SLC25A21: variants seen among roughly 807,000 people sequenced by gnomAD.
SLC25A21 encodes the protein mitochondrial 2-oxodicarboxylate carrier.
A neutral mutation model predicts 43.8 loss-of-function variants in SLC25A21; 47 were observed. The observed-to-expected ratio is 1.07, with a 90% CI of 0.85 to 1.37. The LOEUF (loss-of-function observed/expected upper bound fraction) is 1.37, where lower values mean the gene tolerates loss of function less well. Ranked by LOEUF, SLC25A21 falls within the 40% of genes most tolerant of loss-of-function variation. The probability of loss-of-function intolerance (pLI) is 0.00; values close to 1 mark genes in which losing one functional copy is unlikely to be tolerated. For synonymous variants in SLC25A21, 131 were observed against 121.3 expected (o/e 1.08, Z -0.52); for missense variants, 352 against 350.2 (o/e 1.00, Z -0.04).
chr14:36,764,099 G>GGAAGGAAA (rs1566587732), intron 3 of SLC25A21, among the ~76,000 whole-genome samples: 1 of 29,212 alleles, frequency 3.4e-5, no homozygotes, highest in Non-Finnish European at 5.8e-5. Flanking sequence ...AAGGAAGGAA[G>GGAAGGAAA]GAAGGAAGGA....
intron 1 of SLC25A21, 21 bp from the exon 2 acceptor site, chr14:36,875,025 T>C: frequency 7.0e-7 from 1 of 1,433,310 alleles, no homozygotes; most frequent in Non-Finnish European, 9.2e-7. Context: ...ATAAAGAAAA[T>C]CCAATAAACA....
At chr14:37,034,725 A>G (rs1961291431) in intron 1 of SLC25A21, among the ~76,000 whole-genome samples, 1 of 152,138 alleles carries the variant, frequency 6.6e-6, no homozygotes, top group South Asian at 2.1e-4. Context: ...ACCATCTGCT[A>G]TTTATTTTGT....
At chr14:36,976,958 C>G (rs1007239601) in intron 1 of SLC25A21, among the ~76,000 whole-genome samples, 6 of 152,186 alleles carry the variant, frequency 3.9e-5, no homozygotes, top group African/African-American at 1.4e-4. Context: ...ATTTTCTCAG[C>G]CCGAACACAG....
At chr14:37,087,383 G>A (rs775715961) in intron 1 of SLC25A21, among the ~76,000 whole-genome samples, 3 of 152,186 alleles carry the variant, frequency 2.0e-5, no homozygotes, top group Non-Finnish European at 4.4e-5. Context: ...CTTTTGGAGA[G>A]TAAGAAAGTT....
At chr14:37,040,226 A>AGGG (rs1961419414) in intron 1 of SLC25A21, among the ~76,000 whole-genome samples, 2 of 32,466 alleles carry the variant, frequency 6.2e-5, no homozygotes, top group Admixed American at 3.5e-4. Context: ...AAGAAAAAGA[A>AGGG]AAAGAAAGGG....
In SLC25A21 at chr14:37,137,775, G is replaced by A. The variant is rs187042584; in HGVS notation, c.70+34506C>T. On this transcript the variant is annotated intron_variant, in intron 1 of 9. Transcript: ENST00000331299. ...AAGTAAAACATATATCATTAATGGAGCCATAAGGCATCAAGTCTTCCTTAA... is the reference window on the plus strand; with the variant it reads ...AAGTAAAACATATATCATTAATGGAACCATAAGGCATCAAGTCTTCCTTAA... 1.4e-4 allele frequency among the ~76,000 whole-genome samples: 22 copies of A among 152,236 alleles called. No homozygotes were observed. In the East Asian group the frequency reaches 4.2e-3, roughly 29 times the overall value.
intron 1 of SLC25A21, among the ~76,000 whole-genome samples, chr14:36,918,677 C>G (rs1891896005): frequency 6.6e-6 from 1 of 152,044 alleles, no homozygotes; most frequent in Non-Finnish European, 1.5e-5. Context: ...TTAATACAAA[C>G]AAATTTCATA....
chr14:36,825,587 A>G (rs1430632505), intron 2 of SLC25A21, among the ~76,000 whole-genome samples: 1 of 152,222 alleles, frequency 6.6e-6, no homozygotes, highest in African/African-American at 2.4e-5. Flanking sequence ...AAACACTACA[A>G]GACAGTCCAA....
intron 2 of SLC25A21, among the ~76,000 whole-genome samples, chr14:36,843,453 C>G (rs1889447135): frequency 6.6e-6 from 1 of 152,142 alleles, no homozygotes. Flanking sequence ...GTTATTAAAA[C>G]AGTCCTACAA....
At chr14:36,706,688 C>T (rs923381526) in intron 7 of SLC25A21, among the ~76,000 whole-genome samples, 1 of 152,172 alleles carries the variant, frequency 6.6e-6, no homozygotes, top group African/African-American at 2.4e-5. Context: ...TCCTTCTGAA[C>T]CCCCTACTTT....
chr14:37,098,788 G>T, intron 1 of SLC25A21, among the ~76,000 whole-genome samples: 1 of 113,310 alleles, frequency 8.8e-6, no homozygotes, highest in Non-Finnish European at 1.6e-5. Context: ...CAGACAGACA[G>T]ATAGATAGAT....
chr14:36,794,595 C>T (rs1337061906), intron 3 of SLC25A21, among the ~76,000 whole-genome samples: 5 of 152,034 alleles, frequency 3.3e-5, no homozygotes, highest in African/African-American at 1.2e-4. Context: ...TGGTCAAACC[C>T]TGTCTCCACC....
At chr14:36,963,512 A>G (rs188642138) in intron 1 of SLC25A21, among the ~76,000 whole-genome samples, 1 of 152,350 alleles carries the variant, frequency 6.6e-6, no homozygotes, top group African/African-American at 2.4e-5. Flanking sequence ...GGTTATGATC[A>G]AAACAGACAG....
chr14:36,763,053 T>C (rs961026158), intron 3 of SLC25A21, among the ~76,000 whole-genome samples: 2 of 152,216 alleles, frequency 1.3e-5, no homozygotes, highest in African/African-American at 4.8e-5. Flanking sequence ...TTAAAATGCC[T>C]GCCTTAAAGC....
intron 3 of SLC25A21, among the ~76,000 whole-genome samples, chr14:36,760,783 C>G (rs1886124997): frequency 1.3e-5 from 2 of 152,042 alleles, no homozygotes; most frequent in African/African-American, 4.8e-5. Context: ...GGGGAACCCC[C>G]CAGGAGAGGG....
intron 2 of SLC25A21, among the ~76,000 whole-genome samples, chr14:36,873,769 A>G (rs1890441762): frequency 6.6e-6 from 1 of 152,132 alleles, no homozygotes; most frequent in Admixed American, 6.5e-5. Context: ...TCTTGCCCCC[A>G]TGATGGGATT....
At chr14:37,071,293 C>A (rs1334397335) in intron 1 of SLC25A21, among the ~76,000 whole-genome samples, 1 of 152,206 alleles carries the variant, frequency 6.6e-6, no homozygotes, top group Non-Finnish European at 1.5e-5. Context: ...TACTGCCAGA[C>A]AACTTGTGTT....
chr14:36,826,936 T>C (rs1318932490), intron 2 of SLC25A21, among the ~76,000 whole-genome samples: 1 of 152,158 alleles, frequency 6.6e-6, no homozygotes, highest in Non-Finnish European at 1.5e-5. Flanking sequence ...AAGGGCTTAA[T>C]AGTGTCCCAG....
chr14:36,829,044 G>C (rs954468235), intron 2 of SLC25A21, among the ~76,000 whole-genome samples: 1 of 152,186 alleles, frequency 6.6e-6, no homozygotes. Context: ...TGGGACTACA[G>C]ACACCCACCA....
Sources: allele counts gnomAD v4.1 joint callset (sites outside exome capture counted in the v4.1 genomes callset), GRCh38; gene constraint gnomAD v4.1.1; transcripts MANE v1.5; gene names NCBI Gene and HGNC (gene_info 2026-07-23, HGNC 2026-07-21).